Variants in NPSR1 observed in about 807,000 individuals in gnomAD.
NPSR1 encodes the protein neuropeptide S receptor 1.
In NPSR1, 48 loss-of-function variants were observed where a neutral mutation model predicts 46.9. The ratio of observed to expected loss-of-function variants is 1.02; its 90% CI spans 0.81 to 1.30. NPSR1 has a LOEUF of 1.30. Among genes scored for constraint, NPSR1 ranks in the 50% most tolerant of loss-of-function variants. The probability of loss-of-function intolerance (pLI) is 0.00; values close to 1 mark genes in which losing one functional copy is unlikely to be tolerated. For synonymous variants in NPSR1, 176 were observed against 168.1 expected (o/e 1.05, Z -0.36); for missense variants, 450 against 449.5 (o/e 1.00, Z -0.01).
intron 2 of NPSR1, among the ~76,000 whole-genome samples, chr7:34,759,223 C>CA (rs1036982314): frequency 2.0e-5 from 3 of 152,134 alleles, no homozygotes; most frequent in African/African-American, 7.2e-5. Flanking sequence ...AACTTTCACT[C>CA]ACAGCACTTA....
In NPSR1 at chr7:34,811,844, C is replaced by T. The variant is rs181364571; in HGVS notation, c.459C>T (p.Pro153=). The T allele has an allele frequency of 6.8e-5, 110 of 1,613,348 alleles. 1 individual carries two copies. The Admixed American group carries it at 1.8e-3, about 26-fold the overall frequency. The change falls in exon 4 of 9, where the codon CCC becomes CCT. Residue 153 remains proline (P), a synonymous_variant. Transcript: ENST00000360581. ...SIDRYHAIVY[P]MKFLQGEKQA... is the part of the protein sequence containing the mutation. Reference sequence around the variant, plus strand: ...ACAGATACCATGCCATCGTCTACCCCATGAAGTTCCTTCAAGGAGGTGAGC... The same window carrying T: ...ACAGATACCATGCCATCGTCTACCCTATGAAGTTCCTTCAAGGAGGTGAGC...
intron 2 of NPSR1, among the ~76,000 whole-genome samples, chr7:34,731,416 G>A (rs903995803): frequency 2.6e-5 from 4 of 152,068 alleles, no homozygotes; most frequent in African/African-American, 9.7e-5. Context: ...AAGAAAGTAG[G>A]TTTTAAGAAA....
chr7:34,678,490 A>C (rs564380067), intron 1 of NPSR1, among the ~76,000 whole-genome samples: 1 of 152,224 alleles, frequency 6.6e-6, no homozygotes, highest in South Asian at 2.1e-4. Context: ...AAAATCTCTT[A>C]CTTGTATTCT....
rs13309682 is a variant in NPSR1, at chr7:34,872,363, A to G, written c.1026-5713A>G. 5.3e-5 allele frequency among the ~76,000 whole-genome samples: 8 copies of G among 152,000 alleles called. No individual in the cohort carries two copies. The East Asian group carries it at 5.8e-4, about 11-fold the overall frequency. ...CTTTGGACCTATGATGGAAGGGACC[A>G]CCCCAAGACTTCTAAAGTGCCTTCA... On this transcript the variant is annotated intron_variant, in intron 8 of 8. Coordinates refer to the NPSR1 transcript ENST00000359791.
intron 1 of NPSR1, among the ~76,000 whole-genome samples, chr7:34,662,521 A>G (rs1791507471): frequency 6.6e-6 from 1 of 152,076 alleles, no homozygotes; most frequent in Non-Finnish European, 1.5e-5. Context: ...CCCAACCCCC[A>G]AATGTATCTC....
intron 8 of NPSR1, among the ~76,000 whole-genome samples, chr7:34,874,771 G>A (rs987247975): frequency 3.3e-5 from 5 of 151,902 alleles, no homozygotes; most frequent in African/African-American, 1.2e-4. Context: ...GAAACTAACA[G>A]GAAAACCCAG....
intron 4 of NPSR1, among the ~76,000 whole-genome samples, chr7:34,819,322 T>A (rs1288868149): frequency 1.3e-5 from 2 of 152,184 alleles, no homozygotes. Context: ...AAAATGCTCA[T>A]CATCACTGAT....
At position 34,751,251 on chromosome 7, in the gene NPSR1, G is replaced by A. The variant is rs994698068; in HGVS notation, c.281-27211G>A. 1.1e-4 allele frequency: 107 copies of A among 1,000,860 alleles called. 3 individuals are homozygous for A. The South Asian group carries it at 1.4e-3, about 13-fold the overall frequency. The allele number at this position is 1,000,860 out of a possible 1,614,324, so 62.0% of individuals were successfully genotyped here. On this transcript the variant is annotated intron_variant, in intron 2 of 8. Coordinates refer to ENST00000360581, the MANE Select transcript of NPSR1 (RefSeq NM_207172.2). ...CAACGATGAGATTAGACCGGACAATGGGAAGTGGAGACTTTTCTAGCATGG... is the reference window on the plus strand; with the variant it reads ...CAACGATGAGATTAGACCGGACAATAGGAAGTGGAGACTTTTCTAGCATGG...
intron 3 of NPSR1, among the ~76,000 whole-genome samples, chr7:34,788,395 AT>A (rs1035781932): frequency 2.0e-5 from 3 of 152,252 alleles, no homozygotes; most frequent in Non-Finnish European, 2.9e-5. Context: ...CAGAAAAAAA[AT>A]ATATGATAGC....
chr7:34,722,946 T>C (rs1472041745), intron 2 of NPSR1, among the ~76,000 whole-genome samples: 1 of 152,170 alleles, frequency 6.6e-6, no homozygotes, highest in Non-Finnish European at 1.5e-5. Flanking sequence ...CATTTTAGCC[T>C]GAAGTGAGTG....
chr7:34,858,813 G>C (rs1387232217), intron 8 of NPSR1, among the ~76,000 whole-genome samples: 1 of 151,720 alleles, frequency 6.6e-6, no homozygotes, highest in African/African-American at 2.4e-5. Flanking sequence ...ATCTCCCACT[G>C]GGTCCCTTCC....
chr7:34,797,344 T>G (rs955012592), intron 3 of NPSR1, among the ~76,000 whole-genome samples: 14 of 152,206 alleles, frequency 9.2e-5, no homozygotes, highest in Non-Finnish European at 1.5e-4. Flanking sequence ...GATAATGATG[T>G]GTCAATGTAG....
At chr7:34,751,813 C>T in intron 2 of NPSR1, 1 of 1,586,078 alleles carries the variant, frequency 6.3e-7, no homozygotes, top group Non-Finnish European at 8.7e-7. Context: ...CACTGTGGGA[C>T]TCTCTGCCAG....
chr7:34,757,754 G>A (rs17788843), intron 2 of NPSR1, among the ~76,000 whole-genome samples: 19,102 of 152,052 alleles, frequency 0.13, 1,475 homozygotes, highest in Non-Finnish European at 0.17. Flanking sequence ...CTGGCCATGC[G>A]ACTGTTCTGC....
At chr7:34,877,980 A>C (rs1791615626) in intron 8 of NPSR1, 1 of 675,938 alleles carries the variant, frequency 1.5e-6, no homozygotes, top group Non-Finnish European at 2.6e-6. Context: ...ATATCTTATG[A>C]GAAATGACCA....
At chr7:34,851,285 C>T (rs951473762), downstream of NPSR1, among the ~76,000 whole-genome samples, 2 of 145,808 alleles carry the variant, frequency 1.4e-5, no homozygotes, top group Admixed American at 6.9e-5. Flanking sequence ...TCAAAGTCTG[C>T]GTGTTTAAGG....
At chr7:34,795,002 G>A (rs1471188612) in intron 3 of NPSR1, among the ~76,000 whole-genome samples, 3 of 152,098 alleles carry the variant, frequency 2.0e-5, no homozygotes, top group Non-Finnish European at 4.4e-5. Flanking sequence ...TTGTGCCACT[G>A]CACTCCAGCC....
At chr7:34,760,211 G>A (rs553332808) in intron 2 of NPSR1, among the ~76,000 whole-genome samples, 1 of 152,280 alleles carries the variant, frequency 6.6e-6, no homozygotes, top group East Asian at 1.9e-4. Flanking sequence ...AAGTTGGCAA[G>A]GAGTCTAGGA....
Position 34,866,382 on chromosome 7 carries a change from T to C in NPSR1, c.1026-11694T>C, listed in dbSNP as rs1349947471. Among the ~76,000 whole-genome samples the C allele has an allele frequency of 1.1e-4, 17 of 151,766 alleles. 1 individual carries two copies. The highest frequency in any genetic ancestry group is 3.2e-4 in the African/African-American group (13 of 41,038). ...TGGAGAAAGGACAAGGGCACAGTTG[T>C]AGACAGACATGCAAATGATGAGAGG... is the stretch of plus-strand genomic sequence containing the variant. On this transcript the variant is annotated intron_variant, in intron 8 of 8. Transcript: ENST00000359791.
Sources: allele counts gnomAD v4.1 joint callset (sites outside exome capture counted in the v4.1 genomes callset), GRCh38; gene constraint gnomAD v4.1.1; transcripts MANE v1.5; gene names NCBI Gene and HGNC (gene_info 2026-07-23, HGNC 2026-07-21).